Variants in CFAP54 observed in about 807,000 individuals in gnomAD.
CFAP54 encodes the protein cilia- and flagella-associated protein 54.
A neutral mutation model predicts 370.4 loss-of-function variants in CFAP54; 290 were observed. The observed-to-expected ratio is 0.78, with a 90% CI of 0.71 to 0.86. CFAP54 has a LOEUF of 0.86. CFAP54 is among the 40% of genes least tolerant of loss of function. The pLI is 0.00. For missense variants in CFAP54, 3,399 were observed against 3,528.7 expected, an observed-to-expected ratio of 0.96 and a Z score of 0.93; for synonymous variants, 1,206 against 1,236.5, an observed-to-expected ratio of 0.98 and a Z score of 0.52.
chr12:96,540,182 A>G (rs1439896352), intron 13 of CFAP54: 1 of 152,148 alleles, frequency 6.6e-6, no homozygotes, highest in Non-Finnish European at 1.5e-5. Context: ...GGCCCACTGC[A>G]ATCCCCACCT....
intron 55 of CFAP54, among the ~76,000 whole-genome samples, chr12:96,747,509 C>T (rs1958130504): frequency 6.6e-6 from 1 of 152,130 alleles, no homozygotes; most frequent in Non-Finnish European, 1.5e-5. Flanking sequence ...GCACCAAGTA[C>T]CATTTCCAGC....
chr12:96,802,472 AC>A (rs1958830548), intron 63 of CFAP54, among the ~76,000 whole-genome samples: 1 of 152,052 alleles, frequency 6.6e-6, no homozygotes, highest in African/African-American at 2.4e-5. Flanking sequence ...GAGACTGAGG[AC>A]TAGTCCACTC....
chr12:96,841,827 T>C (rs1266568680), intron 66 of CFAP54, among the ~76,000 whole-genome samples: 1 of 152,254 alleles, frequency 6.6e-6, no homozygotes, highest in African/African-American at 2.4e-5. Flanking sequence ...AGTTTGATTC[T>C]TGGTTCCGCC....
intron 15 of CFAP54, among the ~76,000 whole-genome samples, chr12:96,550,028 A>G (rs1164495144): frequency 6.6e-6 from 1 of 152,240 alleles, no homozygotes; most frequent in Admixed American, 6.5e-5. Flanking sequence ...TCAAAGTTTT[A>G]CTGAACACAG....
chr12:96,587,681 A>G (rs1221457048), intron 22 of CFAP54, among the ~76,000 whole-genome samples: 1 of 152,320 alleles, frequency 6.6e-6, no homozygotes, highest in East Asian at 1.9e-4. Context: ...TTTAAAAGGG[A>G]TACATTTTAC....
At chr12:96,544,203 T>C (rs997972159) in intron 14 of CFAP54, among the ~76,000 whole-genome samples, 4 of 122,712 alleles carry the variant, frequency 3.3e-5, no homozygotes, top group Admixed American at 9.1e-5. Context: ...TAATTATTGT[T>C]GTCCGCAGTT....
intron 1 of CFAP54, among the ~76,000 whole-genome samples, chr12:96,498,230 A>G (rs1052093521): frequency 6.6e-6 from 1 of 152,276 alleles, no homozygotes. Flanking sequence ...AGTGGAGAAC[A>G]GTGTCTTCAA....
chr12:96,664,781 A>ATCTATATCTATATCTATATCTATATC (rs1565934511), intron 39 of CFAP54, among the ~76,000 whole-genome samples: 4 of 25,916 alleles, frequency 1.5e-4, no homozygotes, highest in South Asian at 1.5e-3. Context: ...CTATATCTAT[A>ATCTATATCTATATCTATATCTATATC]TATATATATA....
chr12:96,721,362 C>T (rs746032330), intron 50 of CFAP54, among the ~76,000 whole-genome samples: 2 of 152,090 alleles, frequency 1.3e-5, no homozygotes, highest in African/African-American at 4.8e-5. Flanking sequence ...GTTTGTTCAT[C>T]GATTTATTTA....
At position 96,700,109 on chromosome 12, in the gene CFAP54, G is replaced by T; in HGVS notation, c.6474+16G>T. Reference sequence around the variant, plus strand: ...AAAAATGAAGGTAACCTGACAATTTGATTCAAAGCAATTTCTTTACCTATG... The same window carrying T: ...AAAAATGAAGGTAACCTGACAATTTTATTCAAAGCAATTTCTTTACCTATG... On this transcript the variant is annotated intron_variant, in intron 46 of 67. Coordinates refer to ENST00000524981, the MANE Select transcript of CFAP54 (RefSeq NM_001306084.2). The T allele has an allele frequency of 6.3e-7, 1 of 1,597,172 alleles. No homozygotes were observed. The highest frequency in any genetic ancestry group is 1.1e-5 in the South Asian group (1 of 87,132).
chr12:96,830,926 T>C (rs1592794105), intron 66 of CFAP54, among the ~76,000 whole-genome samples: 1 of 152,158 alleles, frequency 6.6e-6, no homozygotes, highest in East Asian at 1.9e-4. Context: ...TCCACCTGCC[T>C]TGGTTTCCCA....
chr12:96,847,093 G>A (rs888300000), intron 66 of CFAP54, among the ~76,000 whole-genome samples: 1 of 152,052 alleles, frequency 6.6e-6, no homozygotes, highest in Non-Finnish European at 1.5e-5. Context: ...CTCAGATTCA[G>A]TAATATGATA....
chr12:96,649,254 A>G (rs958390108), intron 34 of CFAP54, among the ~76,000 whole-genome samples: 1 of 152,208 alleles, frequency 6.6e-6, no homozygotes, highest in Non-Finnish European at 1.5e-5. Flanking sequence ...GAAGTATTTG[A>G]AAGTGAATTC....
chr12:96,658,967 G>T (rs963820623), intron 38 of CFAP54, among the ~76,000 whole-genome samples: 1 of 152,128 alleles, frequency 6.6e-6, no homozygotes. Context: ...AGATGTGTGG[G>T]AATTTCTCCC....
At chr12:96,632,452 C>T (rs1956619587) in intron 32 of CFAP54, among the ~76,000 whole-genome samples, 2 of 151,894 alleles carry the variant, frequency 1.3e-5, no homozygotes, top group South Asian at 4.1e-4. Context: ...GTCCCTTTCA[C>T]TCTTTTTTTA....
intron 65 of CFAP54, among the ~76,000 whole-genome samples, chr12:96,818,552 C>G (rs928574975): frequency 3.9e-5 from 6 of 152,310 alleles, no homozygotes; most frequent in South Asian, 4.1e-4. Flanking sequence ...GGCTTTAGAT[C>G]TGTGGCCAAA....
intron 67 of CFAP54, among the ~76,000 whole-genome samples, chr12:96,869,166 T>G (rs1338256225): frequency 6.6e-6 from 1 of 152,206 alleles, no homozygotes; most frequent in Non-Finnish European, 1.5e-5. Context: ...AAGGGAGGGA[T>G]ATCAAGGAAA....
intron 62 of CFAP54, among the ~76,000 whole-genome samples, chr12:96,787,566 A>G (rs1332312812): frequency 6.6e-6 from 1 of 152,206 alleles, no homozygotes; most frequent in East Asian, 1.9e-4. Flanking sequence ...GTGTTAAAAG[A>G]CACTGAAAAA....
chr12:96,589,946 C>T (rs1051081030), intron 23 of CFAP54, among the ~76,000 whole-genome samples: 1 of 152,032 alleles, frequency 6.6e-6, no homozygotes, highest in Admixed American at 6.6e-5. Context: ...GGGGTTTTGC[C>T]ATGCTGGCCA....
Sources: allele counts gnomAD v4.1 joint callset (sites outside exome capture counted in the v4.1 genomes callset), GRCh38; gene constraint gnomAD v4.1.1; transcripts MANE v1.5; gene names NCBI Gene and HGNC (gene_info 2026-07-23, HGNC 2026-07-21).